NDRG1: variants seen among roughly 807,000 people sequenced by gnomAD.
The protein encoded by NDRG1 is N-myc downstream regulated 1.
Under a neutral mutation model 56.9 loss-of-function variants are expected in NDRG1, and 32 were observed. The observed-to-expected ratio is 0.56, with a 90% CI of 0.42 to 0.76. NDRG1 has a LOEUF of 0.76. Ranked by LOEUF, NDRG1 falls within the 30% of genes least tolerant of loss-of-function variation. The pLI, the probability that NDRG1 is intolerant of heterozygous loss-of-function variation, is 0.00. For synonymous variants in NDRG1, 211 were observed against 204.1 expected, an observed-to-expected ratio of 1.03 and a Z score of -0.29; for missense variants, 507 against 545.7, an observed-to-expected ratio of 0.93 and a Z score of 0.71.
chr8:133,291,806 C>T (rs1238760985), intron 1 of NDRG1, among the ~76,000 whole-genome samples: 1 of 152,130 alleles, frequency 6.6e-6, no homozygotes, highest in South Asian at 2.1e-4. Context: ...GAAGGTGAAC[C>T]CCACTGTCTC....
chr8:133,252,220 C>T (rs756534614), intron 9 of NDRG1, among the ~76,000 whole-genome samples: 9 of 152,126 alleles, frequency 5.9e-5, no homozygotes, highest in East Asian at 1.9e-4. Flanking sequence ...CTCAGCCTCC[C>T]GAGTAGCTGG....
Position 133,250,456 on chromosome 8 carries a change from T to C in NDRG1, c.682A>G (p.Ile228Val). 6.2e-7 allele frequency: 1 copy of C among 1,614,076 alleles called. No homozygotes were observed. Among genetic ancestry groups the C allele is most frequent in the Non-Finnish European group, 8.5e-7 (1 of 1,179,950 alleles). Residue 228 changes from isoleucine (I) to valine (V), a missense_variant, in exon 10 of 16, where the codon ATC (isoleucine) becomes GTC (valine). Transcript: ENST00000323851. ...DMNPGNLHLF[I>V]NAYNSRRDLE... The stretch of plus-strand genomic sequence containing the variant: ...TCCCAATACCTGTTGTAGGCATTGA[T>C]GAACAGGTGCAGGTTGCCGGGGTTC...
rs1355181154 is a variant in NDRG1, at chr8:133,238,769, G to C, written c.*109C>G. ...GCTCACTCTTACAAAATAAGCTTTGGATTAATACCGAGTTAGGCGCAGTAT... is the reference window on the plus strand; with the variant it reads ...GCTCACTCTTACAAAATAAGCTTTGCATTAATACCGAGTTAGGCGCAGTAT... On this transcript the variant is annotated 3_prime_UTR_variant, in exon 16 of 16. Coordinates refer to ENST00000323851, the MANE Select transcript of NDRG1 (RefSeq NM_006096.4). 7.8e-7 allele frequency: 1 copy of C among 1,287,620 alleles called. No homozygotes were observed. Among genetic ancestry groups the C allele is most frequent in the Non-Finnish European group, 1.1e-6 (1 of 951,144 alleles). 79.8% of individuals were successfully genotyped at this position (1,287,620 alleles called of 1,614,324 possible).
chr8:133,250,535 C>T lies in NDRG1; in HGVS notation c.603G>A (p.Met201Ile). The change falls in exon 10 of 16, where the codon ATG (methionine) becomes ATA (isoleucine). Residue 201 changes from methionine (M) to isoleucine (I), a missense_variant. By Grantham distance (10) the Met-to-Ile change is conservative (BLOSUM62 1). Coordinates refer to ENST00000323851, the MANE Select transcript of NDRG1 (RefSeq NM_006096.4). The part of the protein sequence containing the change: ...VVSHLFGKEE[M>I]QSNVEVVHTY... ...TGTGGACCACTTCCACGTTACTCTG[C>T]ATTTCTTCCTGCATTTAGAGAGGTG... The T allele has an allele frequency of 6.2e-7, 1 of 1,614,006 alleles. No individual in the cohort carries two copies. Among genetic ancestry groups the T allele is most frequent in the South Asian group, 1.1e-5 (1 of 91,082 alleles).
chr8:133,244,366 G>A lies in NDRG1; in HGVS notation c.880C>T (p.Gln294Ter), dbSNP rs1473153490. 6.2e-7 allele frequency: 1 copy of A among 1,614,124 alleles called. No homozygotes were observed. The highest frequency in any genetic ancestry group is 8.5e-7 in the Non-Finnish European group (1 of 1,180,048). Residue 294 changes from glutamine (Q) to a stop codon, truncating the protein, a stop_gained, in exon 14 of 16, where the codon CAG becomes TAG. Transcript: ENST00000323851. LOFTEE classifies it high-confidence loss of function. ...LKMADCGGLP[Q>*]ISQPAKLAEA... ...AACATGGCACTCACCTGGGAGATCT[G>A]CGGGAGGCCGCCACAGTCCGCCATC... is the stretch of plus-strand genomic sequence containing the variant.
chr8:133,244,518 G>C, intron 13 of NDRG1, 128 bp from the exon 14 acceptor site: 1 of 1,073,182 alleles, frequency 9.3e-7, no homozygotes, highest in Non-Finnish European at 1.4e-6. Flanking sequence ...TTACAAAGGA[G>C]GAACAGGGTG....
intron 11 of NDRG1, 99 bp from the exon 12 acceptor site, chr8:133,248,025 G>A: frequency 2.5e-6 from 3 of 1,206,102 alleles, no homozygotes; most frequent in Non-Finnish European, 3.7e-6. Flanking sequence ...TACAAACAAT[G>A]TCATTTTGGT....
At chr8:133,286,905 G>A (rs1858148849) in intron 1 of NDRG1, among the ~76,000 whole-genome samples, 1 of 152,132 alleles carries the variant, frequency 6.6e-6, no homozygotes, top group African/African-American at 2.4e-5. Flanking sequence ...CATGTTGGTC[G>A]CGTCCTGCAA....
In NDRG1 at chr8:133,257,415, A is replaced by G. The variant is rs1195351332; in HGVS notation, c.451-552T>C. 2.6e-5 allele frequency among the ~76,000 whole-genome samples: 4 copies of G among 151,926 alleles called. No homozygotes were observed. In the South Asian group the frequency reaches 6.2e-4, roughly 24 times the overall value. On this transcript the variant is annotated intron_variant, in intron 7 of 15. Transcript: ENST00000323851. ...TGTCATTGTGTGAAGATCTCAGAGT[A>G]TACTTACACACACCTAGACAGTATA...
intron 1 of NDRG1, among the ~76,000 whole-genome samples, chr8:133,288,642 A>G (rs1243062098): frequency 9.2e-5 from 14 of 152,068 alleles, no homozygotes; most frequent in African/African-American, 3.4e-4. Flanking sequence ...GAATGTTGGG[A>G]CCCACTAGAA....
chr8:133,248,921 G>A, intron 10 of NDRG1, 150 bp from the exon 11 acceptor site: 2 of 787,290 alleles, frequency 2.5e-6, no homozygotes, highest in South Asian at 1.4e-5. Flanking sequence ...TGGCTTTCAG[G>A]ACTCCACACC....
intron 6 of NDRG1, among the ~76,000 whole-genome samples, 183 bp from the exon 7 acceptor site, chr8:133,258,609 G>T (rs1208227595): frequency 6.6e-6 from 1 of 152,206 alleles, no homozygotes; most frequent in African/African-American, 2.4e-5. Context: ...CGACCTTGGA[G>T]AGCCGCGCCC....
In NDRG1 at chr8:133,284,234, A is replaced by C; in HGVS notation, c.63+15T>G. 1 of 1,613,480 alleles carries C rather than the reference A, an allele frequency of 6.2e-7. No individual in the cohort carries two copies. The highest frequency in any genetic ancestry group is 8.5e-7 in the Non-Finnish European group (1 of 1,179,570). On this transcript the variant is annotated intron_variant, in intron 2 of 15. Transcript: ENST00000323851. The stretch of plus-strand genomic sequence containing the variant: ...ATGTGCCTGTGATGGGGTAGCCAGG[A>C]AGATCTCCACTCACCTCCCCTTTCT...
At chr8:133,280,655 C>A (rs765874042) in intron 2 of NDRG1, among the ~76,000 whole-genome samples, 4 of 151,994 alleles carry the variant, frequency 2.6e-5, no homozygotes, top group African/African-American at 9.7e-5. Context: ...AGGATGGTCT[C>A]GATTTCCTGA....
At chr8:133,279,379 G>A (rs148834107) in intron 3 of NDRG1, among the ~76,000 whole-genome samples, 9 of 152,344 alleles carry the variant, frequency 5.9e-5, no homozygotes, top group Middle Eastern at 3.4e-3. Flanking sequence ...CGGGATGGAT[G>A]GGGGAGCATT....
intron 1 of NDRG1, 137 bp from the exon 2 acceptor site, chr8:133,284,466 G>A: frequency 4.0e-6 from 3 of 743,024 alleles, no homozygotes; most frequent in Admixed American, 4.1e-5. Context: ...ATGCACTGCA[G>A]GGGATGAGGA....
intron 3 of NDRG1, among the ~76,000 whole-genome samples, chr8:133,265,808 T>A (rs1211288309): frequency 6.6e-6 from 1 of 152,188 alleles, no homozygotes; most frequent in Non-Finnish European, 1.5e-5. Context: ...TCGTGACTCT[T>A]TCTCAATTGT....
At chr8:133,254,205 AG>A (rs1239003626) in intron 9 of NDRG1, among the ~76,000 whole-genome samples, 1 of 152,190 alleles carries the variant, frequency 6.6e-6, no homozygotes, top group Non-Finnish European at 1.5e-5. Flanking sequence ...AGGACTATCA[AG>A]GGGCACAAGG....
chr8:133,244,296 T>G, intron 14 of NDRG1, 59 bp downstream of exon 14: 1 of 1,597,552 alleles, frequency 6.3e-7, no homozygotes, highest in Non-Finnish European at 8.6e-7. Flanking sequence ...CAGAGGCACA[T>G]GCACTCCACC....
Sources: gnomAD v4.1 joint callset for allele counts (sites outside exome capture counted in the v4.1 genomes callset) on GRCh38, gnomAD v4.1.1 for gene constraint, MANE v1.5 for transcripts, NCBI Gene and HGNC (gene_info 2026-07-23, HGNC 2026-07-21) for gene names.